Variants in THTPA observed in about 807,000 individuals in gnomAD.
THTPA encodes thiamine triphosphatase, also known as thiamine-triphosphatase.
A neutral mutation model predicts 16.5 loss-of-function variants in THTPA; 16 were observed. The ratio of observed to expected loss-of-function variants is 0.97; its 90% confidence interval spans 0.66 to 1.47. The LOEUF (loss-of-function observed/expected upper bound fraction) is 1.47. Among genes scored for constraint, THTPA ranks in the 40% most tolerant of loss-of-function variants. The pLI, the probability that THTPA is intolerant of heterozygous loss-of-function variation, is 0.00. For missense variants in THTPA, 281 were observed against 280.9 expected (o/e 1.00, Z 0.00); for synonymous variants, 110 against 115.5 (o/e 0.95, Z 0.30).
At chr14:23,521,610 T>C in the THTPA span, 1 of 227,870 alleles carries the variant, frequency 4.4e-6, no homozygotes, top group Non-Finnish European at 8.6e-6. Context: ...AGCTGGGAAT[T>C]CAGTGAGGAA....
the THTPA span, among the ~76,000 whole-genome samples, chr14:23,514,735 A>G: frequency 6.6e-6 from 1 of 152,140 alleles, no homozygotes; most frequent in African/African-American, 2.4e-5. Flanking sequence ...GCCACCAAAC[A>G]TGCTCATGAT....
the THTPA span, among the ~76,000 whole-genome samples, chr14:23,537,369 A>C: frequency 6.6e-6 from 1 of 152,042 alleles, no homozygotes; most frequent in Non-Finnish European, 1.5e-5. Flanking sequence ...CTAGTGATTA[A>C]ACTGGTAGTG....
chr14:23,529,901 A>G, the THTPA span: 11 of 1,025,176 alleles, frequency 1.1e-5, no homozygotes, highest in Admixed American at 2.1e-5. Flanking sequence ...AGGCTTGGCA[A>G]GGGCTGACTC....
At chr14:23,522,997 C>T in the THTPA span, 1 of 1,423,294 alleles carries the variant, frequency 7.0e-7, no homozygotes, top group African/African-American at 1.4e-5. Flanking sequence ...CATCATTCTT[C>T]CTGCCATAGG....
the THTPA span, chr14:23,524,137 G>A: frequency 6.5e-7 from 1 of 1,536,016 alleles, no homozygotes; most frequent in Non-Finnish European, 8.7e-7. This position sits in a 1 kb window ranked among gnomAD's most constrained non-coding sequence, Gnocchi z 5.6. Context: ...ATGCAGGGGT[G>A]GCTGTGGCAG....
rs752373130 is a variant in THTPA at position 23,557,116 on chromosome 14, GT to G, written c.363del (p.Phe121LeufsTer2). ...LGPLGLQEVA[S>X]FVTKRSAWKL... ...CCACTGGGGCTGCAGGAAGTAGCTA[GT>G]TTTGTGACTAAGCGGAGTGCCTGGA... On this transcript the variant is annotated frameshift_variant, in exon 1 of 2. Transcript: ENST00000288014. LOFTEE classifies it high-confidence loss of function. The G allele has an allele frequency of 1.9e-6, 3 of 1,614,232 alleles. No individual in the cohort carries two copies. In the East Asian group the frequency reaches 6.7e-5, roughly 36 times the overall value.
upstream of THTPA, among the ~76,000 whole-genome samples, chr14:23,552,646 G>A (rs937961179): frequency 2.6e-5 from 4 of 151,744 alleles, no homozygotes; most frequent in African/African-American, 7.3e-5. Flanking sequence ...CTGTCGCCCA[G>A]GCTGCAGTGC....
Position 23,557,058 on chromosome 14 carries a change from C to G in THTPA, c.301C>G (p.Leu101Val). Reference sequence around the variant, plus strand: ...CTGTAAGGTGCTGCGGGCTGACGGCCTGGGGGCTGGAGATGTGGCTGCTGT... The same window carrying G: ...CTGTAAGGTGCTGCGGGCTGACGGCGTGGGGGCTGGAGATGTGGCTGCTGT... The part of the protein sequence containing the change: ...QLCKVLRADG[L>V]GAGDVAAVLG... Residue 101 changes from leucine (L) to valine (V), a missense_variant, in exon 1 of 2, where the codon CTG (leucine) becomes GTG (valine). Physicochemically the swap from Leu to Val is conservative, Grantham distance 32. Transcript: ENST00000288014. 6.2e-7 allele frequency: 1 copy of G among 1,614,210 alleles called. No homozygotes were observed. The highest frequency in any genetic ancestry group is 8.5e-7 in the Non-Finnish European group (1 of 1,180,032).
the THTPA span, chr14:23,530,789 T>G: frequency 3.6e-6 from 1 of 280,792 alleles, no homozygotes; most frequent in Admixed American, 5.1e-5. Context: ...GCAATTCAAT[T>G]AGCACCAGTC....
the THTPA span, chr14:23,525,264 C>T: frequency 6.5e-7 from 1 of 1,536,132 alleles, no homozygotes; most frequent in South Asian, 1.2e-5. The surrounding 1 kb of genome is among the most constrained non-coding windows in gnomAD (Gnocchi z 5.9). Context: ...CGGGTCCCCC[C>T]TGCCTCAGGC....
rs113443111 is a variant in THTPA at position 23,557,061 on chromosome 14, G to A, written c.304G>A (p.Gly102Arg). The stretch of plus-strand genomic sequence containing the variant: ...TAAGGTGCTGCGGGCTGACGGCCTG[G>A]GGGCTGGAGATGTGGCTGCTGTGCT... Reference protein sequence around the residue: ...LCKVLRADGLGAGDVAAVLGP... With the variant: ...LCKVLRADGLRAGDVAAVLGP... Residue 102 changes from glycine (G) to arginine (R), a missense_variant, in exon 1 of 2, where the codon GGG (glycine) becomes AGG (arginine). By Grantham distance (125) the Gly-to-Arg change is moderately radical. Coordinates refer to ENST00000288014, the MANE Select transcript of THTPA (RefSeq NM_024328.6). 1 of 1,614,110 alleles carries A rather than the reference G, an allele frequency of 6.2e-7. No individual in the cohort carries two copies. Among genetic ancestry groups the A allele is most frequent in the African/African-American group, 1.3e-5 (1 of 74,932 alleles).
At chr14:23,529,808 C>A in the THTPA span, 4 of 1,524,920 alleles carry the variant, frequency 2.6e-6, no homozygotes, top group Non-Finnish European at 3.5e-6. Context: ...ACCCTGACAG[C>A]CCTCAAGATG....
chr14:23,556,585 C>T lies in THTPA; in HGVS notation c.-173C>T. The T allele has an allele frequency of 1.5e-6, 1 of 681,730 alleles. No individual in the cohort carries two copies. The highest frequency in any genetic ancestry group is 2.4e-6 in the Non-Finnish European group (1 of 414,382). The allele number at this position is 681,730 out of a possible 1,614,324, so 42.2% of individuals were successfully genotyped here. ...AATATCACCGACGGGGCCTTAATGT[C>T]ACCGAGGTAGAGAGAAAAGGGCAGT... is the stretch of plus-strand genomic sequence containing the variant. On this transcript the variant is annotated 5_prime_UTR_variant, in exon 1 of 2. Transcript: ENST00000288014.
chr14:23,556,457 G>C lies in THTPA; in HGVS notation c.-301G>C. 2.7e-6 allele frequency: 1 copy of C among 365,266 alleles called. No homozygotes were observed. The highest frequency in any genetic ancestry group is 4.5e-5 in the South Asian group (1 of 22,072). The allele number at this position is 365,266 out of a possible 1,614,324, so 22.6% of individuals were successfully genotyped here. A position where few individuals can be genotyped will look rare whatever the true frequency, so the allele number is the denominator to read the frequency against. ...GGTGTAGAGAGGGGGGCGTTGAAAG[G>C]ACACCCGCTACCCGGCCTGCTTTCT... On this transcript the variant is annotated 5_prime_UTR_variant, in exon 1 of 2. Coordinates refer to ENST00000288014, the MANE Select transcript of THTPA (RefSeq NM_024328.6).
rs922020114 is a variant in THTPA at position 23,556,568 on chromosome 14, C to T, written c.-190C>T. ...CACTGTCAGAGCCTTAAAATATCAC[C>T]GACGGGGCCTTAATGTCACCGAGGT... On this transcript the variant is annotated 5_prime_UTR_variant, in exon 1 of 2. Transcript: ENST00000288014. 6 of 620,756 alleles carry T rather than the reference C, an allele frequency of 9.7e-6. No individual in the cohort carries two copies. Among genetic ancestry groups the T allele is most frequent in the Non-Finnish European group, 1.7e-5 (6 of 361,080 alleles). The allele number at this position is 620,756 out of a possible 1,614,324, so 38.5% of individuals were successfully genotyped here.
At chr14:23,511,923 TCTC>T in the THTPA span, 5 of 152,058 alleles carry the variant, frequency 3.3e-5, no homozygotes, top group Admixed American at 3.3e-4. Context: ...CCATGTCTAT[TCTC>T]CTCCTTCCCC....
At chr14:23,541,374 C>T in the THTPA span, among the ~76,000 whole-genome samples, 8 of 151,658 alleles carry the variant, frequency 5.3e-5, no homozygotes, top group Admixed American at 4.6e-4. Flanking sequence ...CTGCAAACTC[C>T]ACCCCTGGGT....
rs1463580131 is a variant in THTPA at position 23,560,254 on chromosome 14, C to T, written c.*1414C>T. Reference sequence around the variant, plus strand: ...ACCTCTGAACTCTGATCTTTACAAACCTTGGGCACAGCAGCCTGGCAGATG... The same window carrying T: ...ACCTCTGAACTCTGATCTTTACAAATCTTGGGCACAGCAGCCTGGCAGATG... On this transcript the variant is annotated 3_prime_UTR_variant, in exon 2 of 2. Transcript: ENST00000288014. 42 of 1,613,148 alleles carry T rather than the reference C, an allele frequency of 2.6e-5. No individual in the cohort carries two copies. Among genetic ancestry groups the T allele is most frequent in the Non-Finnish European group, 3.6e-5 (42 of 1,179,980 alleles).
chr14:23,560,116 C>G lies in THTPA; in HGVS notation c.*1276C>G. 1 of 1,418,500 alleles carries G rather than the reference C, an allele frequency of 7.0e-7. No homozygotes were observed. The highest frequency in any genetic ancestry group is 2.4e-4 in the Middle Eastern group (1 of 4,088). The allele number at this position is 1,418,500 out of a possible 1,614,324, so 87.9% of individuals were successfully genotyped here. Reference sequence around the variant, plus strand: ...CCCCTCTATACTCAGTGGCTCCACACCCTTTTCCTGTAACTCCCCAAGTGC... The same window carrying G: ...CCCCTCTATACTCAGTGGCTCCACAGCCTTTTCCTGTAACTCCCCAAGTGC... On this transcript the variant is annotated 3_prime_UTR_variant, in exon 2 of 2. Transcript: ENST00000288014.
Sources: allele counts gnomAD v4.1 joint callset (sites outside exome capture counted in the v4.1 genomes callset), GRCh38; gene constraint gnomAD v4.1.1; non-coding constraint Gnocchi (gnomAD v3.1); transcripts MANE v1.5; gene names NCBI Gene and HGNC (gene_info 2026-07-23, HGNC 2026-07-21).